DMD: variants seen among roughly 807,000 people sequenced by gnomAD.
The protein encoded by DMD is dystrophin.
A neutral mutation model predicts 330.1 loss-of-function variants in DMD; 63 were observed. The ratio of observed to expected loss-of-function variants is 0.19; its 90% CI spans 0.16 to 0.24. The LOEUF (loss-of-function observed/expected upper bound fraction) is 0.24, where lower values mean the gene tolerates loss of function less well. DMD is among the 10% of genes least tolerant of loss of function. The probability of loss-of-function intolerance (pLI) is 1.00; values close to 1 mark genes in which losing one functional copy is unlikely to be tolerated. For synonymous variants in DMD, 1,223 were observed against 959.8 expected (o/e 1.27, Z -5.07); for missense variants, 3,344 against 2,684.1 (o/e 1.25, Z -5.43).
At chrX:32,628,818 C>G (rs2058543467) in intron 11 of DMD, among the ~76,000 whole-genome samples, 1 of 111,630 alleles carries the variant, frequency 9.0e-6, no homozygotes, top group Non-Finnish European at 1.9e-5. Flanking sequence ...CCATGTGTCT[C>G]TATAGTTTCC....
chrX:31,356,760 C>T (rs1217728536), intron 60 of DMD, among the ~76,000 whole-genome samples: 1 of 111,890 alleles, frequency 8.9e-6, no homozygotes, highest in African/African-American at 3.2e-5. Flanking sequence ...AAATTGACTT[C>T]ATAGACCCAA....
chrX:32,301,787 C>A (rs2097524654), intron 42 of DMD, among the ~76,000 whole-genome samples: 1 of 110,842 alleles, frequency 9.0e-6, no homozygotes, highest in African/African-American at 3.3e-5. Context: ...TGTCATGGTT[C>A]TGAACTCACA....
intron 41 of DMD, among the ~76,000 whole-genome samples, chrX:32,313,470 C>A (rs766005093): frequency 9.0e-6 from 1 of 111,620 alleles, no homozygotes; most frequent in East Asian, 2.8e-4. Flanking sequence ...AAGCTAGAAG[C>A]ATTCCCTTTG....
At chrX:32,711,133 T>TTTGAAGAAGAAATTTTAAAA (rs2065149832) in intron 7 of DMD, among the ~76,000 whole-genome samples, 1 of 111,728 alleles carries the variant, frequency 9.0e-6, no homozygotes, top group Non-Finnish European at 1.9e-5. Flanking sequence ...CTTTTGTCCA[T>TTTGAAGAAGAAATTTTAAAA]TTGCAATTTT....
At chrX:33,121,594 A>G (rs1439791513) in intron 1 of DMD, among the ~76,000 whole-genome samples, 3 of 111,842 alleles carry the variant, frequency 2.7e-5, no homozygotes, top group African/African-American at 9.7e-5. Context: ...CAGAACCACA[A>G]AAGCTACTTA....
At chrX:31,464,828 CG>C (rs1028163971) in intron 59 of DMD, among the ~76,000 whole-genome samples, 3 of 112,256 alleles carry the variant, frequency 2.7e-5, no homozygotes, top group African/African-American at 9.7e-5. Flanking sequence ...TTATAGACTT[CG>C]GTGAAGACAG....
At chrX:31,774,741 C>A (rs1222112975) in intron 50 of DMD, among the ~76,000 whole-genome samples, 1 of 111,482 alleles carries the variant, frequency 9.0e-6, no homozygotes, top group Non-Finnish European at 1.9e-5. Context: ...ATACTGGGAG[C>A]AGTTTATCAT....
intron 7 of DMD, among the ~76,000 whole-genome samples, chrX:32,807,128 A>T (rs2077004685): frequency 9.8e-6 from 1 of 101,640 alleles, no homozygotes; most frequent in African/African-American, 3.7e-5. Context: ...CATTTAAAAA[A>T]AAAAAAAAAA....
intron 43 of DMD, among the ~76,000 whole-genome samples, chrX:32,272,865 A>G (rs755864629): frequency 8.9e-6 from 1 of 112,103 alleles, no homozygotes; most frequent in Non-Finnish European, 1.9e-5. Flanking sequence ...CTTTAAACTT[A>G]GGTCCTTGTT....
intron 59 of DMD, among the ~76,000 whole-genome samples, chrX:31,477,770 A>G (rs1383125905): frequency 2.1e-5 from 2 of 97,467 alleles, no homozygotes; most frequent in East Asian, 6.7e-4. Flanking sequence ...GTATTCTGAT[A>G]CTAAGTAACA....
At chrX:31,900,017 T>G (rs747829655) in intron 47 of DMD, among the ~76,000 whole-genome samples, 1 of 111,403 alleles carries the variant, frequency 9.0e-6, no homozygotes, top group African/African-American at 3.3e-5. Flanking sequence ...TCAAGTCAAG[T>G]GTAGTGCAGT....
intron 55 of DMD, among the ~76,000 whole-genome samples, chrX:31,598,137 G>T (rs1255319357): frequency 9.2e-6 from 1 of 108,688 alleles, no homozygotes; most frequent in African/African-American, 3.4e-5. Context: ...GAGAGAGAGG[G>T]TCTCATTCTG....
At chrX:32,473,900 A>G (rs1174504042) in intron 21 of DMD, among the ~76,000 whole-genome samples, 1 of 110,181 alleles carries the variant, frequency 9.1e-6, no homozygotes. Context: ...TAAGTTCTTT[A>G]GTGGTGATTT....
chrX:32,791,652 G>A (rs946750958), intron 7 of DMD, among the ~76,000 whole-genome samples: 16 of 111,700 alleles, frequency 1.4e-4, no homozygotes, highest in Non-Finnish European at 2.1e-4. Context: ...CTCAGAACAT[G>A]AAAACAGGTC....
chrX:31,479,942 T>C lies in DMD; in HGVS notation c.8548-839A>G, dbSNP rs189156893. ...CGTGAGGTATACCGTGAGCCTAGAA[T>C]AACCTAACGGATACTCTGACACCAT... On this transcript the variant is annotated intron_variant, in intron 57 of 78. Transcript: ENST00000357033. Among the ~76,000 whole-genome samples, 172 of 112,059 alleles carry C rather than the reference T, an allele frequency of 1.5e-3. 2 individuals are homozygous for C. Among genetic ancestry groups the C allele is most frequent in the African/African-American group, 5.3e-3 (163 of 30,950 alleles).
intron 59 of DMD, 85 bp downstream of exon 59, chrX:31,478,021 T>A: frequency 9.5e-7 from 1 of 1,050,534 alleles, no homozygotes; most frequent in Non-Finnish European, 1.3e-6. Flanking sequence ...TTTAACTTTG[T>A]GGGAAGATAA....
intron 55 of DMD, among the ~76,000 whole-genome samples, chrX:31,512,606 G>T (rs2071739183): frequency 9.2e-6 from 1 of 108,786 alleles, no homozygotes. Flanking sequence ...TTTCCCCATT[G>T]CTTGTTTTTC....
chrX:31,800,236 C>T (rs2092000097), intron 50 of DMD, among the ~76,000 whole-genome samples: 1 of 112,655 alleles, frequency 8.9e-6, no homozygotes, highest in Admixed American at 9.3e-5. Context: ...TCCATGAGGG[C>T]CCTGCCCCTG....
chrX:33,246,017 T>C (rs1240143175), intron 1 of DMD, among the ~76,000 whole-genome samples: 2 of 112,051 alleles, frequency 1.8e-5, no homozygotes, highest in Admixed American at 9.5e-5. Flanking sequence ...GGAATTAATG[T>C]TAGAAGTATT....
Sources: allele counts gnomAD v4.1 joint callset (sites outside exome capture counted in the v4.1 genomes callset), GRCh38; gene constraint gnomAD v4.1.1; transcripts MANE v1.5; gene names NCBI Gene and HGNC (gene_info 2026-07-23, HGNC 2026-07-21).